DHRSX: variants seen among roughly 807,000 people sequenced by gnomAD.
The protein encoded by DHRSX is polyprenol dehydrogenase.
DHRSX carries 31 observed loss-of-function variants against 34.0 expected under a neutral mutation model. The observed-to-expected ratio is 0.91, with a 90% CI of 0.69 to 1.23. DHRSX has a LOEUF of 1.23. Ranked by LOEUF, DHRSX falls within the 50% of genes most tolerant of loss-of-function variation. DHRSX has a pLI of 0.00. For synonymous variants in DHRSX, 201 were observed against 183.8 expected (o/e 1.09, Z -0.76); for missense variants, 414 against 428.1 (o/e 0.97, Z 0.29).
intron 3 of DHRSX, among the ~76,000 whole-genome samples, chrX:2,354,896 G>A (rs1202747680): frequency 6.6e-6 from 1 of 152,186 alleles, no homozygotes; most frequent in Non-Finnish European, 1.5e-5. Flanking sequence ...CTCCAGGGGT[G>A]AAGACTGGGC....
chrX:2,471,936 AG>A (rs2044599631), intron 1 of DHRSX, among the ~76,000 whole-genome samples: 1 of 152,040 alleles, frequency 6.6e-6, no homozygotes, highest in Non-Finnish European at 1.5e-5. Context: ...AACTGAGGTC[AG>A]GAGTTCAAAA....
intron 6 of DHRSX, among the ~76,000 whole-genome samples, chrX:2,227,617 A>G (rs189006299): frequency 5.3e-4 from 70 of 131,088 alleles, no homozygotes; most frequent in African/African-American, 1.9e-3. Flanking sequence ...GAAGGAAGCA[A>G]AGAAGGAAGG....
chrX:2,436,461 A>ATATTATTATTATTATTAT (rs1236612938), intron 1 of DHRSX, among the ~76,000 whole-genome samples: 2 of 129,272 alleles, frequency 1.5e-5, no homozygotes, highest in East Asian at 2.3e-4. Flanking sequence ...TTGCAGCAAC[A>ATATTATTATTATTATTAT]TATTATTATT....
At chrX:2,267,029 A>C in intron 4 of DHRSX, 82 bp from the exon 5 acceptor site, 6 of 1,424,072 alleles carry the variant, frequency 4.2e-6, no homozygotes, top group African/African-American at 1.4e-5. Flanking sequence ...CAGATGCGCA[A>C]ATGGCCCAGG....
intron 6 of DHRSX, among the ~76,000 whole-genome samples, chrX:2,223,754 G>T (rs1015275319): frequency 6.6e-6 from 1 of 152,056 alleles, no homozygotes; most frequent in Admixed American, 6.5e-5. Flanking sequence ...TTGCGGCTGT[G>T]TTCTGCCCAA....
chrX:2,258,624 A>T (rs940877288), intron 5 of DHRSX, among the ~76,000 whole-genome samples: 6 of 152,130 alleles, frequency 3.9e-5, no homozygotes, highest in Non-Finnish European at 5.9e-5. Flanking sequence ...AGCCTCCAGG[A>T]CTGTGGGAGG....
At chrX:2,446,462 G>A (rs1331692261) in intron 1 of DHRSX, among the ~76,000 whole-genome samples, 4 of 149,674 alleles carry the variant, frequency 2.7e-5, no homozygotes, top group African/African-American at 9.9e-5. Flanking sequence ...CACTGAAGAC[G>A]GTCTCGAGGC....
At chrX:2,418,609 A>T (rs1216966372) in intron 2 of DHRSX, among the ~76,000 whole-genome samples, 1 of 152,190 alleles carries the variant, frequency 6.6e-6, no homozygotes, top group Non-Finnish European at 1.5e-5. Context: ...ATCAAATATA[A>T]CCAGTAATGG....
intron 2 of DHRSX, among the ~76,000 whole-genome samples, chrX:2,411,859 A>G (rs2043634866): frequency 6.6e-6 from 1 of 152,202 alleles, no homozygotes; most frequent in East Asian, 1.9e-4. Context: ...GAGCATCAAA[A>G]AAAGCCAGGT....
At chrX:2,359,092 A>G (rs2042894590) in intron 3 of DHRSX, among the ~76,000 whole-genome samples, 1 of 152,154 alleles carries the variant, frequency 6.6e-6, no homozygotes, top group African/African-American at 2.4e-5. Flanking sequence ...CTAAAACATC[A>G]AAAAACAACA....
intron 3 of DHRSX, among the ~76,000 whole-genome samples, chrX:2,385,585 C>T (rs1216750643): frequency 1.3e-5 from 2 of 151,990 alleles, no homozygotes; most frequent in African/African-American, 2.4e-5. Flanking sequence ...TCCTGCATTC[C>T]GGCTGCTGTT....
intron 4 of DHRSX, among the ~76,000 whole-genome samples, chrX:2,283,794 C>T (rs1260239930): frequency 1.3e-5 from 2 of 152,194 alleles, no homozygotes; most frequent in Non-Finnish European, 2.9e-5. Context: ...GAATTCATTC[C>T]TTCTTTTGAA....
intron 1 of DHRSX, among the ~76,000 whole-genome samples, chrX:2,471,552 A>C (rs1355590927): frequency 6.8e-6 from 1 of 148,122 alleles, no homozygotes; most frequent in Non-Finnish European, 1.5e-5. Context: ...CAACAAGAGC[A>C]AAACTCCATC....
chrX:2,386,439 G>A (rs1208947585), intron 3 of DHRSX, among the ~76,000 whole-genome samples: 2 of 151,866 alleles, frequency 1.3e-5, no homozygotes, highest in South Asian at 2.1e-4. Context: ...GGCTGGTCTC[G>A]AACTCTGGAC....
chrX:2,233,767 G>GAA (rs986420264), intron 6 of DHRSX, among the ~76,000 whole-genome samples: 1 of 146,550 alleles, frequency 6.8e-6, no homozygotes, highest in Admixed American at 6.8e-5. Flanking sequence ...ACAAGTGCAG[G>GAA]AAAAAAAAAA....
At chrX:2,285,518 G>C (rs1392682593) in intron 4 of DHRSX, among the ~76,000 whole-genome samples, 1 of 152,170 alleles carries the variant, frequency 6.6e-6, no homozygotes, top group Non-Finnish European at 1.5e-5. Flanking sequence ...GCAGTCATGT[G>C]AACAATGGGG....
intron 5 of DHRSX, among the ~76,000 whole-genome samples, chrX:2,243,518 CCT>C (rs1262258307): frequency 4.0e-5 from 6 of 151,854 alleles, no homozygotes; most frequent in Non-Finnish European, 5.9e-5. Flanking sequence ...CAGAGTCCCC[CCT>C]CTGTCGCCCA....
chrX:2,254,428 A>T (rs2041247979), intron 5 of DHRSX, among the ~76,000 whole-genome samples: 1 of 152,192 alleles, frequency 6.6e-6, no homozygotes, highest in Admixed American at 6.5e-5. Flanking sequence ...CACTGTTTTA[A>T]TGAGTAAGTA....
intron 3 of DHRSX, among the ~76,000 whole-genome samples, chrX:2,362,516 G>GCCTCGAAATCCTGA (rs1250323808): frequency 2.0e-5 from 3 of 152,158 alleles, no homozygotes; most frequent in African/African-American, 7.2e-5. Context: ...GGCCAGACTG[G>GCCTCGAAATCCTGA]CCTCGAAATC....
Sources: gnomAD v4.1 joint callset for allele counts (sites outside exome capture counted in the v4.1 genomes callset) on GRCh38, gnomAD v4.1.1 for gene constraint, MANE v1.5 for transcripts, NCBI Gene and HGNC (gene_info 2026-07-23, HGNC 2026-07-21) for gene names.